Variants in PTCH1 observed in about 807,000 individuals in gnomAD.
The protein encoded by PTCH1 is protein patched homolog 1.
Under a neutral mutation model 144.6 loss-of-function variants are expected in PTCH1, and 14 were observed. The ratio of observed to expected loss-of-function variants is 0.10; its 90% CI spans 0.06 to 0.15. The LOEUF is 0.15. PTCH1 is among the 10% of genes least tolerant of loss of function. The pLI is 1.00. For missense variants in PTCH1, 1,623 were observed against 1,948.3 expected (o/e 0.83, Z 3.14); for synonymous variants, 833 against 793.6 (o/e 1.05, Z -0.83).
intron 7 of PTCH1, among the ~76,000 whole-genome samples, chr9:95,479,445 T>G (rs768042869): frequency 6.6e-6 from 1 of 152,188 alleles, no homozygotes; most frequent in Non-Finnish European, 1.5e-5. Flanking sequence ...GCAGATAGCT[T>G]GAACAGATAC....
chr9:95,477,848 A>G, intron 9 of PTCH1, 146 bp from the exon 10 acceptor site: 2 of 1,447,618 alleles, frequency 1.4e-6, no homozygotes, highest in Admixed American at 4.0e-5. Flanking sequence ...GCGTCACATA[A>G]AATGACAGGA....
Position 95,461,884 on chromosome 9 carries a change from C to T in PTCH1, c.2675G>A (p.Ser892Asn), listed in dbSNP as rs2136687292. The T allele has an allele frequency of 3.1e-6, 5 of 1,614,234 alleles. No individual in the cohort carries two copies. Among genetic ancestry groups the T allele is most frequent in the Non-Finnish European group, 4.2e-6 (5 of 1,180,046 alleles). ...LAYKLLVQTGSRDKPIDISQL... is the reference protein window; with the variant it reads ...LAYKLLVQTGNRDKPIDISQL... The stretch of plus-strand genomic sequence containing the variant: ...GCTGATGTCGATGGGCTTATCGCGG[C>T]TGCCGGTTTGCACCAGGAGTTTGTA... The change falls in exon 16 of 24, where the codon AGC becomes AAC. Residue 892 changes from serine (S) to asparagine (N), a missense_variant. Physicochemically the swap from Ser to Asn is conservative, Grantham distance 46 (BLOSUM62 1). Around this residue, in one of 7 missense-constraint regions of PTCH1, gnomAD observed 504 missense variants for 679.3 expected, o/e 0.74. Coordinates refer to ENST00000331920, the MANE Select transcript of PTCH1 (RefSeq NM_000264.5).
In PTCH1 at chr9:95,478,220, G is replaced by A. The variant is rs773240750; in HGVS notation, c.1216-34C>T. 4 of 1,613,998 alleles carry A rather than the reference G, an allele frequency of 2.5e-6. No individual in the cohort carries two copies. In the South Asian group the frequency reaches 3.3e-5, roughly 13 times the overall value. On this transcript the variant is annotated intron_variant, in intron 8 of 23. Transcript: ENST00000331920. The stretch of plus-strand genomic sequence containing the variant: ...ACAACAGAATGCGAAATGCCCAAAT[G>A]CAATGAACACTTCCACAAGCCTCGA...
intron 9 of PTCH1, 141 bp downstream of exon 9, chr9:95,477,913 AC>A: frequency 6.7e-7 from 1 of 1,502,464 alleles, no homozygotes; most frequent in South Asian, 1.2e-5. Context: ...CCACTTTTAA[AC>A]CACTGTGAAG....
intron 2 of PTCH1, chr9:95,494,390 G>C (rs953474647): frequency 5.1e-6 from 5 of 985,386 alleles, no homozygotes; most frequent in Non-Finnish European, 4.8e-6. Flanking sequence ...TCTGCCAGGA[G>C]GCCCCTTCTT....
At chr9:95,510,164 G>A (rs1329189250), upstream of PTCH1, among the ~76,000 whole-genome samples, 1 of 152,096 alleles carries the variant, frequency 6.6e-6, no homozygotes, top group Non-Finnish European at 1.5e-5. Flanking sequence ...ACAACTTAGA[G>A]AAACGGAATT....
intron 1 of PTCH1, chr9:95,507,799 G>C: frequency 2.2e-6 from 1 of 450,896 alleles, no homozygotes; most frequent in Non-Finnish European, 3.2e-6. Context: ...AAGAAGTTCA[G>C]GGCAGGGGGC....
chr9:95,456,466 G>A, intron 18 of PTCH1, 53 bp from the exon 19 acceptor site: 1 of 1,602,828 alleles, frequency 6.2e-7, no homozygotes. Flanking sequence ...CTCTGGGGCT[G>A]CCCACAAGGG....
In PTCH1 at chr9:95,447,312, G is replaced by T. The variant is rs357564; in HGVS notation, c.3944C>A (p.Pro1315His). 1.9e-6 allele frequency: 3 copies of T among 1,612,906 alleles called. No individual in the cohort carries two copies. Among genetic ancestry groups the T allele is most frequent in the Non-Finnish European group, 2.5e-6 (3 of 1,179,918 alleles). ...DPPREGLWPPPYRPRRDAFEI... is the reference protein window; with the variant it reads ...DPPREGLWPPHYRPRRDAFEI... Reference sequence around the variant, plus strand: ...AAAAGCGTCTCTGCGCGGTCTGTAGGGGGGTGGCCACAAGCCTTCTCTGGG... The same window carrying T: ...AAAAGCGTCTCTGCGCGGTCTGTAGTGGGGTGGCCACAAGCCTTCTCTGGG... The change falls in exon 23 of 24, where the codon CCC (proline) becomes CAC (histidine). Residue 1315 changes from proline (P) to histidine (H), a missense_variant. Pro to His is a moderately conservative substitution (Grantham distance 77, BLOSUM62 -2). Transcript: ENST00000331920.
chr9:95,455,677 T>C (rs756972335), intron 19 of PTCH1, among the ~76,000 whole-genome samples: 3 of 152,198 alleles, frequency 2.0e-5, no homozygotes, highest in Non-Finnish European at 4.4e-5. Flanking sequence ...GCAACACTGG[T>C]TCTCTTACTT....
chr9:95,505,749 A>AT (rs769549813), intron 2 of PTCH1, among the ~76,000 whole-genome samples: 7 of 147,864 alleles, frequency 4.7e-5, no homozygotes, highest in Non-Finnish European at 4.5e-5. Flanking sequence ...GTGCCTTACT[A>AT]TTTTTTTTTC....
rs1420640611 is a variant in PTCH1, at chr9:95,469,046, T to C, written c.1955A>G (p.His652Arg). ...GGACTGCATGGTAATCTGCGTTTCATGGGCAAAGCTGTGGCTGCTGTAGGG... is the reference window on the plus strand; with the variant it reads ...GGACTGCATGGTAATCTGCGTTTCACGGGCAAAGCTGTGGCTGCTGTAGGG... Reference protein sequence around the residue: ...PPPYSSHSFAHETQITMQSTV... With the variant: ...PPPYSSHSFARETQITMQSTV... The change falls in exon 14 of 24, where the codon CAT (histidine) becomes CGT (arginine). Residue 652 changes from histidine to arginine, a missense_variant. By Grantham distance (29) the His-to-Arg change is conservative. Around this residue, in one of 7 missense-constraint regions of PTCH1, gnomAD observed 179 missense variants for 165.7 expected, o/e 1.08. Transcript: ENST00000331920. 1.6e-5 allele frequency: 26 copies of C among 1,613,772 alleles called. 1 individual carries two copies. Among genetic ancestry groups the C allele is most frequent in the Middle Eastern group, 3.3e-4 (2 of 6,084 alleles).
intron 19 of PTCH1, among the ~76,000 whole-genome samples, chr9:95,453,960 A>T (rs1428598487): frequency 6.6e-6 from 1 of 152,156 alleles, no homozygotes; most frequent in East Asian, 1.9e-4. Context: ...GAGACCTCCA[A>T]TTCCCACAGC....
chr9:95,463,023 A>G (rs1028949857), intron 15 of PTCH1, among the ~76,000 whole-genome samples: 3 of 17,370 alleles, frequency 1.7e-4, no homozygotes, highest in African/African-American at 6.3e-4. Context: ...CCTCCCAGCC[A>G]CCTCCCAAGT....
intron 1 of PTCH1, chr9:95,516,393 G>C (rs894370044): frequency 3.4e-6 from 4 of 1,176,688 alleles, no homozygotes; most frequent in Admixed American, 8.8e-5. Context: ...CCGCGTCCCC[G>C]TGTCCCCGCG....
Position 95,478,168 on chromosome 9 carries a change from C to A in PTCH1, c.1234G>T (p.Ala412Ser), listed in dbSNP as rs370354759. 9.2e-5 allele frequency: 148 copies of A among 1,613,990 alleles called. No individual in the cohort carries two copies. Among genetic ancestry groups the A allele is most frequent in the Non-Finnish European group, 1.1e-4 (132 of 1,180,030 alleles). ...TYVEVVHQSV[A>S]QNSTQKVLSF... The stretch of plus-strand genomic sequence containing the variant: ...AGCACCTTTTGAGTGGAGTTCTGTG[C>A]GACACTCTGATGAACCACCTGTGGT... The change falls in exon 9 of 24, where the codon GCA becomes TCA. Residue 412 changes from alanine to serine, a missense_variant. This residue lies in a region of PTCH1 where 230 missense variants were observed against 271.0 expected (regional missense o/e 0.85). Transcript: ENST00000331920.
Position 95,453,005 on chromosome 9 carries a change from G to T in PTCH1, c.3449+473C>A, listed in dbSNP as rs754974466. The T allele has an allele frequency of 5.0e-5, 14 of 277,728 alleles. No individual in the cohort carries two copies. The Admixed American group carries it at 5.4e-4, about 11-fold the overall frequency. 17.2% of individuals were successfully genotyped at this position (277,728 alleles called of 1,614,324 possible). ...TACTCCCCAAGACAGCTCTAGAAGA[G>T]AGCTTGTCTTTATACCTCCGAATAT... On this transcript the variant is annotated intron_variant, in intron 20 of 23. Transcript: ENST00000331920.
Position 95,449,719 on chromosome 9 carries a change from G to A in PTCH1, c.3549+122C>T, listed in dbSNP as rs1432162916. ...CGAAGAGGAAAACAGACATGACTCT[G>A]AGATGTTTACTGAAGAACCACCAGC... On this transcript the variant is annotated intron_variant, in intron 21 of 23. Transcript: ENST00000331920. This position sits in a 1 kb window ranked among gnomAD's most constrained non-coding sequence, Gnocchi z 5.3. The A allele has an allele frequency of 2.1e-6, 2 of 962,774 alleles. No homozygotes were observed. Among genetic ancestry groups the A allele is most frequent in the Non-Finnish European group, 3.3e-6 (2 of 609,440 alleles). The allele number at this position is 962,774 out of a possible 1,614,324, so 59.6% of individuals were successfully genotyped here. A position where few individuals can be genotyped will look rare whatever the true frequency, so the allele number is the denominator to read the frequency against.
At chr9:95,468,343 C>T (rs1486633588) in intron 14 of PTCH1, among the ~76,000 whole-genome samples, 1 of 152,212 alleles carries the variant, frequency 6.6e-6, no homozygotes, top group Non-Finnish European at 1.5e-5. Context: ...AGGCGTGAGC[C>T]ACCACACCTG....
Sources: allele counts gnomAD v4.1 joint callset (sites outside exome capture counted in the v4.1 genomes callset), GRCh38; gene constraint gnomAD v4.1.1; regional missense constraint gnomAD v4.1.1; non-coding constraint Gnocchi (gnomAD v3.1); transcripts MANE v1.5; gene names NCBI Gene and HGNC (gene_info 2026-07-23, HGNC 2026-07-21).